The following KIF5C variants were observed in gnomAD, a reference collection of about 807,000 sequenced individuals.
The protein encoded by KIF5C is kinesin heavy chain isoform 5C.
KIF5C carries 18 observed loss-of-function variants against 125.2 expected under a neutral mutation model. The observed-to-expected ratio is 0.14, with a 90% confidence interval of 0.10 to 0.21. The LOEUF (loss-of-function observed/expected upper bound fraction) is 0.21. Ranked by LOEUF, KIF5C falls within the 10% of genes least tolerant of loss-of-function variation. The pLI, the probability that KIF5C is intolerant of heterozygous loss-of-function variation, is 1.00. For missense variants in KIF5C, 780 were observed against 1,183.8 expected (o/e 0.66, Z 5.01); for synonymous variants, 405 against 434.0 (o/e 0.93, Z 0.83).
chr2:148,904,065 C>T (rs116331598), intron 1 of KIF5C, among the ~76,000 whole-genome samples: 6 of 152,246 alleles, frequency 3.9e-5, no homozygotes, highest in African/African-American at 1.2e-4. Flanking sequence ...AAGACTTGAA[C>T]CTTCTTAGCA....
chr2:148,887,571 C>A (rs1323548872), intron 1 of KIF5C, among the ~76,000 whole-genome samples: 2 of 151,994 alleles, frequency 1.3e-5, no homozygotes, highest in Non-Finnish European at 2.9e-5. Flanking sequence ...TGGGTGGAGC[C>A]AAACAGAGAA....
At position 148,875,575 on chromosome 2, in the gene KIF5C, G is replaced by GCCCCCCCCCCCAACCCCCCCCC; in HGVS notation, c.-37_-36insCCCCCAACCCCCCCCCCCCCCC. 1.4e-6 allele frequency: 1 copy of GCCCCCCCCCCCAACCCCCCCCC among 699,606 alleles called. No individual in the cohort carries two copies. Among genetic ancestry groups the GCCCCCCCCCCCAACCCCCCCCC allele is most frequent in the Non-Finnish European group, 2.6e-6 (1 of 389,230 alleles). The allele number at this position is 699,606 out of a possible 1,614,324, so 43.3% of individuals were successfully genotyped here. A position where few individuals can be genotyped will look rare whatever the true frequency, so the allele number is the denominator to read the frequency against. On this transcript the variant is annotated 5_prime_UTR_variant, in exon 1 of 26. Coordinates refer to ENST00000435030, the MANE Select transcript of KIF5C (RefSeq NM_004522.3). ...TCCTCCCTCGTCGTTCCCGGCCCCGGCCCCCCACCCATCCCCGTGCCCCCT... is the reference window on the plus strand; with the variant it reads ...TCCTCCCTCGTCGTTCCCGGCCCCGGCCCCCCCCCCCAACCCCCCCCCCCCCCCACCCATCCCCGTGCCCCCT...
chr2:148,988,032 A>G (rs1265739153), intron 15 of KIF5C, among the ~76,000 whole-genome samples: 2 of 152,048 alleles, frequency 1.3e-5, no homozygotes, highest in African/African-American at 2.4e-5. Context: ...CATAGATTTC[A>G]TGACGGTGTG....
rs1018721292 is a variant in KIF5C, at chr2:149,025,183, T to A, written c.*2113T>A. The A allele has an allele frequency of 3.3e-5, 5 of 152,676 alleles. No homozygotes were observed. Among genetic ancestry groups the A allele is most frequent in the African/African-American group, 1.2e-4 (5 of 41,470 alleles). 9.5% of individuals were successfully genotyped at this position (152,676 alleles called of 1,614,324 possible). A position where few individuals can be genotyped will look rare whatever the true frequency, so the allele number is the denominator to read the frequency against. On this transcript the variant is annotated 3_prime_UTR_variant, in exon 26 of 26. Transcript: ENST00000435030. ...TCAAAGGGAAACATTCGCTTGTAGTTCCATTTTACTTGATCTCTACAAGGG... is the reference window on the plus strand; with the variant it reads ...TCAAAGGGAAACATTCGCTTGTAGTACCATTTTACTTGATCTCTACAAGGG...
In KIF5C at chr2:148,942,676, T is replaced by G; in HGVS notation, c.505T>G (p.Cys169Gly). The G allele has an allele frequency of 6.2e-7, 1 of 1,609,366 alleles. No homozygotes were observed. The highest frequency in any genetic ancestry group is 1.1e-5 in the South Asian group (1 of 89,368). ...DKNRVPYVKG[C>G]TERFVSSPEE... is the part of the protein sequence containing the mutation. ...ACCTGAACTGATTCTCTTCCAGGGG[T>G]GCACTGAGCGGTTTGTGTCGAGCCC... Residue 169 changes from cysteine to glycine, a missense_variant, in exon 7 of 26, where the codon TGC becomes GGC. Coordinates refer to ENST00000435030, the MANE Select transcript of KIF5C (RefSeq NM_004522.3).
intron 1 of KIF5C, among the ~76,000 whole-genome samples, chr2:148,916,083 T>C (rs1468925738): frequency 6.6e-6 from 1 of 152,042 alleles, no homozygotes; most frequent in African/African-American, 2.4e-5. Context: ...GAGCTGACCA[T>C]GAGAAGTTAG....
chr2:148,998,843 A>AAG (rs1252921607), intron 19 of KIF5C: 1 of 147,590 alleles, frequency 6.8e-6, no homozygotes, highest in African/African-American at 3.0e-5. Context: ...AAAAAAAAAA[A>AAG]AAAAAAGAAA....
At chr2:148,953,431 C>T (rs1682715640) in intron 10 of KIF5C, among the ~76,000 whole-genome samples, 1 of 152,172 alleles carries the variant, frequency 6.6e-6, no homozygotes, top group South Asian at 2.1e-4. Flanking sequence ...GGATGCTGAG[C>T]TATTCTATGG....
chr2:148,995,023 C>CA (rs977301435), intron 17 of KIF5C, among the ~76,000 whole-genome samples: 2 of 152,078 alleles, frequency 1.3e-5, no homozygotes, highest in African/African-American at 4.8e-5. Context: ...AGACCATCCC[C>CA]ACACTGAATC....
At chr2:148,995,100 C>T (rs1025824351) in intron 17 of KIF5C, among the ~76,000 whole-genome samples, 1 of 152,178 alleles carries the variant, frequency 6.6e-6, no homozygotes, top group South Asian at 2.1e-4. Flanking sequence ...CTCCCCACCT[C>T]CTGACTCTAG....
intron 1 of KIF5C, among the ~76,000 whole-genome samples, chr2:148,902,020 G>T (rs1558880283): frequency 6.6e-6 from 1 of 152,184 alleles, no homozygotes; most frequent in Non-Finnish European, 1.5e-5. Flanking sequence ...CCCGAGGGTG[G>T]ACTGTGCACA....
chr2:148,983,879 G>A, intron 15 of KIF5C, 113 bp downstream of exon 15: 1 of 1,276,776 alleles, frequency 7.8e-7, no homozygotes. Flanking sequence ...TCTGCCATGT[G>A]CTGGTTAGTG....
chr2:149,004,509 C>T (rs899051973), intron 21 of KIF5C, among the ~76,000 whole-genome samples: 21 of 152,084 alleles, frequency 1.4e-4, no homozygotes, highest in African/African-American at 4.8e-4. Flanking sequence ...GGCTCAGGCT[C>T]TTGTCTCAGT....
intron 25 of KIF5C, among the ~76,000 whole-genome samples, chr2:149,022,628 T>G (rs1367941980): frequency 6.6e-6 from 1 of 152,170 alleles, no homozygotes; most frequent in Non-Finnish European, 1.5e-5. Context: ...AATTTAAAAT[T>G]AAATATGTGG....
chr2:148,923,321 T>C (rs1380692933), intron 2 of KIF5C, among the ~76,000 whole-genome samples: 1 of 152,212 alleles, frequency 6.6e-6, no homozygotes, highest in Non-Finnish European at 1.5e-5. Flanking sequence ...CAGCATGTAA[T>C]GTTCCTTGCT....
intron 1 of KIF5C, among the ~76,000 whole-genome samples, chr2:148,913,296 GT>G (rs146211670): frequency 1.3e-5 from 2 of 152,268 alleles, no homozygotes; most frequent in East Asian, 3.9e-4. Flanking sequence ...TCAGCTCAAA[GT>G]TTTGCCTTCC....
At position 148,973,437 on chromosome 2, in the gene KIF5C, G is replaced by C; in HGVS notation, c.1219G>C (p.Ala407Pro). 6.2e-7 allele frequency: 1 copy of C among 1,613,712 alleles called. No individual in the cohort carries two copies. Among genetic ancestry groups the C allele is most frequent in the South Asian group, 1.1e-5 (1 of 91,028 alleles). Residue 407 changes from alanine to proline, a missense_variant, in exon 12 of 26, where the codon GCT (alanine) becomes CCT (proline). Around this residue, in one of 2 missense-constraint regions of KIF5C, gnomAD observed 573 missense variants for 742.6 expected, o/e 0.77. Coordinates refer to ENST00000435030, the MANE Select transcript of KIF5C (RefSeq NM_004522.3). ...CATAGACAATATTGCTCCTGTTGTT[G>C]CTGGCATCTCTACAGAGGAGAAAGA... The part of the protein sequence containing the change: ...PIIDNIAPVV[A>P]GISTEEKEKY...
chr2:148,927,234 G>C (rs945579783), intron 2 of KIF5C, among the ~76,000 whole-genome samples: 2 of 152,150 alleles, frequency 1.3e-5, no homozygotes, highest in African/African-American at 4.8e-5. Context: ...GATGAGACCC[G>C]GGAGGCCTCG....
chr2:148,940,114 T>C (rs1682373822), intron 4 of KIF5C, among the ~76,000 whole-genome samples: 1 of 152,164 alleles, frequency 6.6e-6, no homozygotes, highest in African/African-American at 2.4e-5. Context: ...AATAGACAAG[T>C]CTTAATGAAC....
Sources: allele counts gnomAD v4.1 joint callset (sites outside exome capture counted in the v4.1 genomes callset), GRCh38; gene constraint gnomAD v4.1.1; regional missense constraint gnomAD v4.1.1; transcripts MANE v1.5; gene names NCBI Gene and HGNC (gene_info 2026-07-23, HGNC 2026-07-21).